Variants in LAMB4 observed in about 807,000 individuals in gnomAD.
LAMB4 encodes laminin subunit beta-4.
In LAMB4, 196 loss-of-function variants were observed where a neutral mutation model predicts 199.2. That is an observed-to-expected ratio of 0.98 (90% confidence interval 0.88 to 1.11). The LOEUF is 1.11. LAMB4 is among the 50% of genes least tolerant of loss of function. The pLI is 0.00. For synonymous variants in LAMB4, 744 were observed against 770.6 expected (o/e 0.97, Z 0.57); for missense variants, 2,080 against 2,171.2 (o/e 0.96, Z 0.83).
At chr7:108,067,864 A>C in intron 19 of LAMB4, 152 bp downstream of exon 19, 1 of 955,448 alleles carries the variant, frequency 1.0e-6, no homozygotes, top group South Asian at 1.6e-5. Context: ...TAGCAAAAAA[A>C]TGTTCAGTAT....
rs201829926 is a variant in LAMB4, at chr7:108,077,103, A to G, written c.2004-39T>C. The G allele has an allele frequency of 1.4e-5, 23 of 1,603,188 alleles. No homozygotes were observed. The East Asian group carries it at 4.9e-4, about 34-fold the overall frequency. On this transcript the variant is annotated intron_variant, in intron 16 of 33. Transcript: ENST00000388781. The stretch of plus-strand genomic sequence containing the variant: ...GATAAAGCAAAAATTCAGACCACAG[A>G]AATACAATTATATTAGCTAAATGGC...
Position 108,043,979 on chromosome 7 carries a change from G to A in LAMB4, c.4327-83C>T, listed in dbSNP as rs150037848. On this transcript the variant is annotated intron_variant, in intron 28 of 33. Coordinates refer to ENST00000388781, the MANE Select transcript of LAMB4 (RefSeq NM_007356.3). ...TCTTTGATGTTTAATTACTTAGCTG[G>A]ACCAAATAAAACTGTCACTAAAAAC... 4.9e-4 allele frequency: 603 copies of A among 1,231,618 alleles called. 2 individuals are homozygous for A. In the African/African-American group the frequency reaches 8.1e-3, roughly 16 times the overall value. 76.3% of individuals were successfully genotyped at this position (1,231,618 alleles called of 1,614,324 possible).
intron 18 of LAMB4, among the ~76,000 whole-genome samples, chr7:108,068,469 T>A (rs1159539208): frequency 1.3e-5 from 2 of 152,238 alleles, no homozygotes; most frequent in Non-Finnish European, 1.5e-5. Flanking sequence ...ATTGGCATTC[T>A]TAATACTTCA....
chr7:108,073,742 G>A (rs531594738), intron 17 of LAMB4, among the ~76,000 whole-genome samples: 1 of 152,348 alleles, frequency 6.6e-6, no homozygotes, highest in African/African-American at 2.4e-5. Flanking sequence ...CTGTAACAAT[G>A]AAATGTGCAA....
chr7:108,105,769 T>G (rs430628), intron 8 of LAMB4, 48 bp downstream of exon 8: 616,514 of 1,522,550 alleles, frequency 0.4, 126,529 homozygotes, highest in Non-Finnish European at 0.42. Context: ...ACCAGGACAG[T>G]GAAAGGCAGG....
At chr7:108,127,017 A>T (rs966823398) in intron 1 of LAMB4, among the ~76,000 whole-genome samples, 1 of 152,030 alleles carries the variant, frequency 6.6e-6, no homozygotes, top group African/African-American at 2.4e-5. Context: ...TCCCTAGGGG[A>T]TTCTGAGATG....
intron 29 of LAMB4, among the ~76,000 whole-genome samples, chr7:108,038,581 C>CATGTGGCCCAGGACGGCTTTGA (rs2035311390): frequency 6.6e-6 from 1 of 152,242 alleles, no homozygotes; most frequent in African/African-American, 2.4e-5. Context: ...CCAGGGGCCA[C>CATGTGGCCCAGGACGGCTTTGA]ATGTGGCCCA....
chr7:108,059,097 CTTTTTTTTTTTT>C (rs57814646), intron 23 of LAMB4, among the ~76,000 whole-genome samples: 44 of 107,880 alleles, frequency 4.1e-4, no homozygotes, highest in African/African-American at 1.3e-3. Context: ...CAATCTGCCA[CTTTTTTTTTTTT>C]TTTTTTTTTT....
At chr7:108,028,926 C>G (rs1441945561) in intron 33 of LAMB4, 117 bp downstream of exon 33, 1 of 939,814 alleles carries the variant, frequency 1.1e-6, no homozygotes, top group Non-Finnish European at 1.6e-6. Context: ...CTACTTCTCT[C>G]TCCTCAGTGG....
At chr7:108,087,587 C>T (rs1404693100) in intron 14 of LAMB4, among the ~76,000 whole-genome samples, 3 of 152,182 alleles carry the variant, frequency 2.0e-5, no homozygotes, top group African/African-American at 4.8e-5. Context: ...GAGGCTGGGC[C>T]GTGAGGAAGT....
At chr7:108,033,597 C>T (rs554189732) in intron 31 of LAMB4, among the ~76,000 whole-genome samples, 4 of 152,012 alleles carry the variant, frequency 2.6e-5, no homozygotes, top group East Asian at 3.9e-4. Context: ...TTCATAGAGA[C>T]GGGGTTTCAC....
chr7:108,075,011 T>A (rs1015128673), intron 17 of LAMB4, among the ~76,000 whole-genome samples: 1 of 152,206 alleles, frequency 6.6e-6, no homozygotes. Flanking sequence ...AACAGTAATA[T>A]CCCTTAGTGA....
chr7:108,093,181 C>T (rs1299122339), intron 12 of LAMB4, among the ~76,000 whole-genome samples: 2 of 152,162 alleles, frequency 1.3e-5, no homozygotes, highest in African/African-American at 4.8e-5. Context: ...ATTCTCCTGC[C>T]TCAGCCTCCC....
chr7:108,106,925 C>T (rs2038039769), intron 6 of LAMB4, among the ~76,000 whole-genome samples: 1 of 152,140 alleles, frequency 6.6e-6, no homozygotes, highest in South Asian at 2.1e-4. Context: ...GCCATTGCTT[C>T]CCAGCTGGCA....
At chr7:108,104,938 G>T (rs560971028) in intron 8 of LAMB4, among the ~76,000 whole-genome samples, 4 of 151,980 alleles carry the variant, frequency 2.6e-5, no homozygotes, top group East Asian at 1.9e-4. Flanking sequence ...TGGGGAGTTG[G>T]GGGGGAGTAG....
chr7:108,059,314 C>T, intron 23 of LAMB4, among the ~76,000 whole-genome samples: 1 of 151,812 alleles, frequency 6.6e-6, no homozygotes, highest in East Asian at 1.9e-4. Context: ...AATCTGCCAC[C>T]TTTTAACTTG....
chr7:108,061,856 G>A (rs1219577214), intron 23 of LAMB4, among the ~76,000 whole-genome samples: 1 of 152,000 alleles, frequency 6.6e-6, no homozygotes, highest in African/African-American at 2.4e-5. Flanking sequence ...ACCTTCAAAA[G>A]ACTTGACCTT....
chr7:108,015,917 T>A, the LAMB4 span, among the ~76,000 whole-genome samples: 1 of 152,212 alleles, frequency 6.6e-6, no homozygotes, highest in African/African-American at 2.4e-5. Context: ...GTATTTCTAT[T>A]TGGTTCGCTT....
chr7:108,049,335 C>T lies in LAMB4; in HGVS notation c.4113G>A (p.Leu1371=). 1 of 1,539,528 alleles carries T rather than the reference C, an allele frequency of 6.5e-7. No homozygotes were observed. The highest frequency in any genetic ancestry group is 8.9e-7 in the Non-Finnish European group (1 of 1,118,038). The change falls in exon 27 of 34, where the codon TTG becomes TTA. Residue 1371 remains leucine (L), a synonymous_variant. Coordinates refer to ENST00000388781, the MANE Select transcript of LAMB4 (RefSeq NM_007356.3). ...KQIKIPDIQI[L]NEKVCGDPGN... ...CATCATGAATATTTACCTTTTCATT[C>T]AATATTTGGATATCTGGTATCTTAA...
Sources: allele counts gnomAD v4.1 joint callset (sites outside exome capture counted in the v4.1 genomes callset), GRCh38; gene constraint gnomAD v4.1.1; transcripts MANE v1.5; gene names NCBI Gene and HGNC (gene_info 2026-07-23, HGNC 2026-07-21).